Variants in TRAK1 observed in about 807,000 individuals in gnomAD.
TRAK1 encodes trafficking kinesin-binding protein 1.
In TRAK1, 33 loss-of-function variants were observed where a neutral mutation model predicts 92.1. The ratio of observed to expected loss-of-function variants is 0.36; its 90% CI spans 0.27 to 0.48. TRAK1 has a LOEUF of 0.48. Among genes scored for constraint, TRAK1 ranks in the 20% least tolerant of loss-of-function variants. The pLI, the probability that TRAK1 is intolerant of heterozygous loss-of-function variation, is 0.99. For synonymous variants in TRAK1, 521 were observed against 517.3 expected (o/e 1.01, Z -0.10); for missense variants, 1,123 against 1,257.9 (o/e 0.89, Z 1.62).
At position 42,188,058 on chromosome 3, in the gene TRAK1, G is replaced by A. The variant is rs139582244; in HGVS notation, c.494G>A (p.Arg165Gln). The A allele has an allele frequency of 2.7e-4, 433 of 1,613,856 alleles. No individual in the cohort carries two copies. Among genetic ancestry groups the A allele is most frequent in the Non-Finnish European group, 3.5e-4 (416 of 1,179,992 alleles). Residue 165 changes from arginine to glutamine, a missense_variant, in exon 5 of 16, where the codon CGG becomes CAG. Coordinates refer to ENST00000327628, the MANE Select transcript of TRAK1 (RefSeq NM_001042646.3). ...EHIREEVSQLRHELSMKDELL... is the reference protein window; with the variant it reads ...EHIREEVSQLQHELSMKDELL... ...CTGCTTGTGCAGGTGTCTCAGCTCC[G>A]GCATGAGCTGTCCATGAAGGATGAG...
chr3:42,128,227 G>T (rs753945529), intron 2 of TRAK1, among the ~76,000 whole-genome samples: 16 of 152,196 alleles, frequency 1.1e-4, no homozygotes, highest in Non-Finnish European at 4.4e-5. Flanking sequence ...GACTTGAACA[G>T]AGAGTGAGTG....
At chr3:42,042,974 C>A (rs78385698) in intron 1 of TRAK1, among the ~76,000 whole-genome samples, 1,692 of 152,180 alleles carry the variant, frequency 0.011, 33 homozygotes, top group African/African-American at 0.039. Context: ...ATCTCAGATT[C>A]TTATTACCAA....
At chr3:42,041,826 G>T (rs1388888522) in intron 1 of TRAK1, among the ~76,000 whole-genome samples, 1 of 146,624 alleles carries the variant, frequency 6.8e-6, no homozygotes, top group African/African-American at 2.5e-5. Flanking sequence ...ACGGAGTCTC[G>T]CTCTGCCGCC....
chr3:42,018,808 A>G (rs1220045751), intron 1 of TRAK1, among the ~76,000 whole-genome samples: 1 of 152,202 alleles, frequency 6.6e-6, no homozygotes, highest in African/African-American at 2.4e-5. Context: ...ACATAGATGC[A>G]GGTTGATTTA....
chr3:42,200,911 C>T lies in TRAK1; in HGVS notation c.1284C>T (p.Ser428=). 1 of 1,614,202 alleles carries T rather than the reference C, an allele frequency of 6.2e-7. No homozygotes were observed. The highest frequency in any genetic ancestry group is 8.5e-7 in the Non-Finnish European group (1 of 1,180,046). The change falls in exon 12 of 16, where the codon TCC becomes TCT. Residue 428 remains serine, a synonymous_variant. Coordinates refer to ENST00000327628, the MANE Select transcript of TRAK1 (RefSeq NM_001042646.3). The part of the protein sequence containing the change: ...LTPSPMNIPG[S]NQSSAMNSLL... Reference sequence around the variant, plus strand: ...CTTCTCCCATGAACATCCCCGGCTCCAACCAGTCCTCGGCCATGAACTCCC... The same window carrying T: ...CTTCTCCCATGAACATCCCCGGCTCTAACCAGTCCTCGGCCATGAACTCCC...
At chr3:42,137,487 A>C (rs1331066401) in intron 2 of TRAK1, among the ~76,000 whole-genome samples, 1 of 152,238 alleles carries the variant, frequency 6.6e-6, no homozygotes, top group Admixed American at 6.5e-5. Context: ...GAAAATAACA[A>C]ACAGGTAATG....
chr3:42,189,473 A>G (rs1435863996), intron 6 of TRAK1, among the ~76,000 whole-genome samples: 1 of 152,174 alleles, frequency 6.6e-6, no homozygotes. Flanking sequence ...TCATGCTGCC[A>G]CAGATCAGAT....
chr3:42,133,204 G>A (rs572844696), intron 2 of TRAK1, among the ~76,000 whole-genome samples: 2 of 152,158 alleles, frequency 1.3e-5, no homozygotes, highest in East Asian at 3.9e-4. Context: ...AAAATGCGGG[G>A]TCTTCGGAGA....
At chr3:42,053,965 T>G (rs1703090590) in intron 1 of TRAK1, among the ~76,000 whole-genome samples, 1 of 152,160 alleles carries the variant, frequency 6.6e-6, no homozygotes, top group South Asian at 2.1e-4. Context: ...TAATTGGAAT[T>G]TCTCTAAACA....
At chr3:42,106,380 T>A (rs1467800603) in intron 1 of TRAK1, among the ~76,000 whole-genome samples, 2 of 151,918 alleles carry the variant, frequency 1.3e-5, no homozygotes, top group Non-Finnish European at 2.9e-5. Context: ...GCAATCCTAG[T>A]CTCTGATAAA....
At chr3:42,091,583 T>C (rs1238999900) in intron 1 of TRAK1, 23 bp downstream of exon 1, 6 of 1,603,440 alleles carry the variant, frequency 3.7e-6, no homozygotes, top group Non-Finnish European at 5.1e-6. Context: ...GCCAGGTCTG[T>C]CTGCTGTCTG....
At chr3:42,211,989 A>G in intron 14 of TRAK1, 2 of 985,336 alleles carry the variant, frequency 2.0e-6, no homozygotes, top group Non-Finnish European at 2.4e-6. Flanking sequence ...TTTGGGGCTT[A>G]TTTTCTGGGT....
upstream of TRAK1, among the ~76,000 whole-genome samples, chr3:42,013,382 CG>C (rs2148870253): frequency 6.6e-6 from 1 of 152,224 alleles, no homozygotes; most frequent in Admixed American, 6.5e-5. This position sits in a 1 kb window ranked among gnomAD's most constrained non-coding sequence, Gnocchi z 5.1. Context: ...AATAAGCGCT[CG>C]GGGAGGGATG....
intron 3 of TRAK1, among the ~76,000 whole-genome samples, chr3:42,180,767 G>C (rs1703899038): frequency 6.6e-6 from 1 of 150,482 alleles, no homozygotes; most frequent in Admixed American, 6.7e-5. Flanking sequence ...TCATTCCTTT[G>C]TGTTACAAAC....
chr3:42,223,720 C>T lies in TRAK1; in HGVS notation c.2845C>T (p.Gln949Ter). ...GILMGAKLSK[Q>*]TSLR ...CTTGATGGGTGCTAAGCTCTCCAAA[C>T]AAACTAGCTTACGGTGAGGACTGGA... Residue 949 changes from glutamine (Q) to a stop codon, truncating the protein, a stop_gained, in exon 16 of 16, where the codon CAA (glutamine) becomes TAA (stop). Transcript: ENST00000327628. LOFTEE classifies it high-confidence loss of function. The surrounding 1 kb of genome is among the most constrained non-coding windows in gnomAD (Gnocchi z 6.1). The T allele has an allele frequency of 6.2e-7, 1 of 1,606,076 alleles. No homozygotes were observed. The highest frequency in any genetic ancestry group is 8.5e-7 in the Non-Finnish European group (1 of 1,173,490).
rs1710630498 is a variant in TRAK1, at chr3:42,224,409, A to C, written c.*672A>C. On this transcript the variant is annotated 3_prime_UTR_variant, in exon 16 of 16. Transcript: ENST00000327628. ...TGTTTTGTAATCAGCTGTCAGGCCA[A>C]ATGTCTGACCCGAAAGAGAATGTAT... The C allele has an allele frequency of 4.0e-6, 1 of 250,604 alleles. No homozygotes were observed. Among genetic ancestry groups the C allele is most frequent in the South Asian group, 4.0e-5 (1 of 24,890 alleles). 15.5% of individuals were successfully genotyped at this position (250,604 alleles called of 1,614,324 possible). A position where few individuals can be genotyped will look rare whatever the true frequency, so the allele number is the denominator to read the frequency against.
At chr3:42,181,244 G>A (rs550540605) in intron 3 of TRAK1, among the ~76,000 whole-genome samples, 11 of 152,182 alleles carry the variant, frequency 7.2e-5, no homozygotes, top group Non-Finnish European at 1.6e-4. Flanking sequence ...TGAAATGTGC[G>A]TACAAAATGC....
At position 42,223,349 on chromosome 3, in the gene TRAK1, A is replaced by G; in HGVS notation, c.2474A>G (p.Lys825Arg). The change falls in exon 16 of 16, where the codon AAG (lysine) becomes AGG (arginine). Residue 825 changes from lysine to arginine, a missense_variant. Physicochemically the swap from Lys to Arg is conservative, Grantham distance 26. Around this residue, in one of 3 missense-constraint regions of TRAK1, gnomAD observed 401 missense variants for 438.9 expected, o/e 0.91. Coordinates refer to ENST00000327628, the MANE Select transcript of TRAK1 (RefSeq NM_001042646.3). This position sits in a 1 kb window ranked among gnomAD's most constrained non-coding sequence, Gnocchi z 6.1. ...TCCATCCTGAGGGAAGTGAGAGAAA[A>G]GAACGTCCGCAGCAGCGAGAGCCAG... is the stretch of plus-strand genomic sequence containing the variant. ...ASSILREVRE[K>R]NVRSSESQTD... The G allele has an allele frequency of 6.2e-7, 1 of 1,614,198 alleles. No homozygotes were observed. The highest frequency in any genetic ancestry group is 2.2e-5 in the East Asian group (1 of 44,868).
chr3:42,075,968 G>A (rs1704137011), intron 1 of TRAK1, among the ~76,000 whole-genome samples: 1 of 151,688 alleles, frequency 6.6e-6, no homozygotes, highest in African/African-American at 2.4e-5. Context: ...TCAGCCTCCC[G>A]AGTATCTGGG....
Sources: allele counts gnomAD v4.1 joint callset (sites outside exome capture counted in the v4.1 genomes callset), GRCh38; gene constraint gnomAD v4.1.1; regional missense constraint gnomAD v4.1.1; non-coding constraint Gnocchi (gnomAD v3.1); transcripts MANE v1.5; gene names NCBI Gene and HGNC (gene_info 2026-07-23, HGNC 2026-07-21).